TNKS2: variants seen among roughly 807,000 people sequenced by gnomAD.
TNKS2 encodes the protein tankyrase 2, also known as poly [ADP-ribose] polymerase tankyrase-2.
TNKS2 carries 72 observed loss-of-function variants against 137.6 expected under a neutral mutation model. The observed-to-expected ratio is 0.52, with a 90% CI of 0.43 to 0.64. The LOEUF is 0.64. Among genes scored for constraint, TNKS2 ranks in the 30% least tolerant of loss-of-function variants. The pLI, the probability that TNKS2 is intolerant of heterozygous loss-of-function variation, is 0.00. For synonymous variants in TNKS2, 516 were observed against 512.1 expected (o/e 1.01, Z -0.10); for missense variants, 1,049 against 1,410.2 (o/e 0.74, Z 4.10).
intron 21 of TNKS2, among the ~76,000 whole-genome samples, chr10:91,852,420 C>A (rs921179911): frequency 4.6e-5 from 7 of 151,022 alleles, no homozygotes; most frequent in Non-Finnish European, 8.9e-5. Flanking sequence ...ATTAGCCAGG[C>A]GTGGTGGCGG....
In TNKS2 at chr10:91,849,598, AG is replaced by A; in HGVS notation, c.2694+5del. The A allele has an allele frequency of 6.3e-7, 1 of 1,595,508 alleles. No homozygotes were observed. Among genetic ancestry groups the A allele is most frequent in the Non-Finnish European group, 8.5e-7 (1 of 1,172,454 alleles). On this transcript the variant is annotated splice_donor_5th_base_variant and intron_variant, in intron 20 of 26. Coordinates refer to ENST00000371627, the MANE Select transcript of TNKS2 (RefSeq NM_025235.4). ...GGATATATTTGAGAGAGAACAGGTG[AG>A]TAGATAAATCATATTGTTTGGATTA...
rs1842268922 is a variant in TNKS2, at chr10:91,843,231, A to G, written c.2059+840A>G. ...TTAAACAACAGAAATTTGTTTTCTCACAGTTCTGGAGGCTAGGAGTCCAAG... is the reference window on the plus strand; with the variant it reads ...TTAAACAACAGAAATTTGTTTTCTCGCAGTTCTGGAGGCTAGGAGTCCAAG... On this transcript the variant is annotated intron_variant, in intron 16 of 26. Coordinates refer to ENST00000371627, the MANE Select transcript of TNKS2 (RefSeq NM_025235.4). Among the ~76,000 whole-genome samples the G allele has an allele frequency of 2.0e-5, 3 of 152,170 alleles. No individual in the cohort carries two copies. In the South Asian group the frequency reaches 6.2e-4, roughly 32 times the overall value.
chr10:91,831,754 A>T (rs2133635778), intron 11 of TNKS2, among the ~76,000 whole-genome samples: 1 of 152,290 alleles, frequency 6.6e-6, no homozygotes, highest in East Asian at 1.9e-4. Context: ...TTACCCAGAA[A>T]CTTTTAAAAG....
rs543581069 is a variant in TNKS2, at chr10:91,825,891, G to C, written c.796-1126G>C. ...TTGCTGGTGGCTGGCTGCATAAAGT[G>C]CGATAGCCACATTAGAAGACTCTTT... On this transcript the variant is annotated intron_variant, in intron 7 of 26. Transcript: ENST00000371627. Among the ~76,000 whole-genome samples, 3 of 152,322 alleles carry C rather than the reference G, an allele frequency of 2.0e-5. No individual in the cohort carries two copies. In the South Asian group the frequency reaches 6.2e-4, roughly 32 times the overall value.
In TNKS2 at chr10:91,819,928, T is replaced by A. The variant is rs775713762; in HGVS notation, c.634-11T>A. 4 of 1,527,374 alleles carry A rather than the reference T, an allele frequency of 2.6e-6. No homozygotes were observed. The South Asian group carries it at 5.1e-5, about 19-fold the overall frequency. 94.6% of individuals were successfully genotyped at this position (1,527,374 alleles called of 1,614,324 possible). A position where few individuals can be genotyped will look rare whatever the true frequency, so the allele number is the denominator to read the frequency against. On this transcript the variant is annotated splice_polypyrimidine_tract_variant and intron_variant, in intron 5 of 26. Coordinates refer to ENST00000371627, the MANE Select transcript of TNKS2 (RefSeq NM_025235.4). Reference sequence around the variant, plus strand: ...TTTGAATTTCATTAATATATTTGATTAATATTTCAGTCAACTCCATTACAT... The same window carrying A: ...TTTGAATTTCATTAATATATTTGATAAATATTTCAGTCAACTCCATTACAT...
At chr10:91,819,898 C>T in intron 5 of TNKS2, 41 bp from the exon 6 acceptor site, 3 of 1,409,936 alleles carry the variant, frequency 2.1e-6, no homozygotes, top group Non-Finnish European at 2.9e-6. Flanking sequence ...TTTATTCAAC[C>T]ATTATTTGAA....
chr10:91,840,399 A>C lies in TNKS2; in HGVS notation c.1528-162A>C, dbSNP rs557351866. Among the ~76,000 whole-genome samples the C allele has an allele frequency of 2.5e-4, 38 of 152,320 alleles. 1 individual carries two copies. The South Asian group carries it at 7.9e-3, about 32-fold the overall frequency. ...TGAGAGGACCAGAGGGATTCCCAGT[A>C]AATGACAAGGTGAAATAAGAATACT... is the stretch of plus-strand genomic sequence containing the variant. On this transcript the variant is annotated intron_variant, in intron 13 of 26. Coordinates refer to ENST00000371627, the MANE Select transcript of TNKS2 (RefSeq NM_025235.4).
chr10:91,816,585 T>C (rs972268846), intron 2 of TNKS2, among the ~76,000 whole-genome samples: 1 of 152,128 alleles, frequency 6.6e-6, no homozygotes, highest in African/African-American at 2.4e-5. Flanking sequence ...TCCTGAAGAA[T>C]AGAAAGATAA....
intron 12 of TNKS2, among the ~76,000 whole-genome samples, chr10:91,835,328 C>T (rs185716401): frequency 5.1e-5 from 7 of 138,380 alleles, no homozygotes; most frequent in Non-Finnish European, 9.2e-5. Context: ...CTCGCACTGT[C>T]GCCCGGGCTG....
At position 91,849,280 on chromosome 10, in the gene TNKS2, C is replaced by T. The variant is rs150565376; in HGVS notation, c.2612-232C>T. ...AAAACTGGTTTTAAAAATATAGATG[C>T]AATTAAAAACAAAGTTTAAAATAAA... On this transcript the variant is annotated intron_variant, in intron 19 of 26. Transcript: ENST00000371627. 4.6e-5 allele frequency among the ~76,000 whole-genome samples: 7 copies of T among 152,274 alleles called. No homozygotes were observed. The East Asian group carries it at 7.7e-4, about 17-fold the overall frequency.
intron 11 of TNKS2, among the ~76,000 whole-genome samples, chr10:91,831,382 A>T (rs1257418186): frequency 1.3e-5 from 2 of 152,178 alleles, no homozygotes; most frequent in Non-Finnish European, 2.9e-5. Context: ...ATTCAGATAC[A>T]CATTCCTGTA....
chr10:91,810,996 C>T (rs564867234), intron 1 of TNKS2, among the ~76,000 whole-genome samples: 3 of 121,946 alleles, frequency 2.5e-5, no homozygotes, highest in East Asian at 3.0e-4. Context: ...GACGTGATCT[C>T]GGCTCACTGC....
intron 12 of TNKS2, chr10:91,836,699 C>T (rs1842031022): frequency 1.0e-6 from 1 of 985,090 alleles, no homozygotes. Flanking sequence ...TCATTATACA[C>T]ATTTACATAT....
At chr10:91,801,916 ACT>A (rs1327120688) in intron 1 of TNKS2, among the ~76,000 whole-genome samples, 1 of 152,084 alleles carries the variant, frequency 6.6e-6, no homozygotes, top group Non-Finnish European at 1.5e-5. Flanking sequence ...AGTAAAGAAG[ACT>A]CTGCTTCTGT....
At chr10:91,854,513 G>A (rs1265922048) in intron 21 of TNKS2, among the ~76,000 whole-genome samples, 2 of 152,130 alleles carry the variant, frequency 1.3e-5, no homozygotes, top group Admixed American at 1.3e-4. Context: ...ATATAAAATG[G>A]TAACATTAGG....
At chr10:91,836,845 G>C in intron 12 of TNKS2, 74 bp from the exon 13 acceptor site, 1 of 1,534,172 alleles carries the variant, frequency 6.5e-7, no homozygotes. Flanking sequence ...TTTCTGATGA[G>C]ATGCCTTCCA....
rs564648832 is a variant in TNKS2, at chr10:91,842,881, T to A, written c.2059+490T>A. ...TTGAAGCTATTAGCTGAGTTCGAGT[T>A]CACTTTATTACTAGTATGTTACATT... On this transcript the variant is annotated intron_variant, in intron 16 of 26. Coordinates refer to ENST00000371627, the MANE Select transcript of TNKS2 (RefSeq NM_025235.4). Among the ~76,000 whole-genome samples the A allele has an allele frequency of 3.9e-5, 6 of 152,370 alleles. No individual in the cohort carries two copies. In the South Asian group the frequency reaches 1.2e-3, roughly 32 times the overall value.
At chr10:91,832,024 A>G (rs10881979) in intron 11 of TNKS2, among the ~76,000 whole-genome samples, 78,553 of 151,914 alleles carry the variant, frequency 0.52, 20,751 homozygotes, top group East Asian at 0.72. Context: ...ATTCTTACCT[A>G]TCCTTTCTTG....
chr10:91,799,868 G>A (rs748472615), intron 1 of TNKS2, among the ~76,000 whole-genome samples: 2 of 152,142 alleles, frequency 1.3e-5, no homozygotes. Context: ...TTTCATGATT[G>A]TTTAAAACAA....
Sources: gnomAD v4.1 joint callset for allele counts (sites outside exome capture counted in the v4.1 genomes callset) on GRCh38, gnomAD v4.1.1 for gene constraint, MANE v1.5 for transcripts, NCBI Gene and HGNC (gene_info 2026-07-23, HGNC 2026-07-21) for gene names.